The following POLR1A variants were observed in gnomAD, a reference collection of about 807,000 sequenced individuals.
The protein encoded by POLR1A is RNA polymerase I subunit A.
Under a neutral mutation model 205.3 loss-of-function variants are expected in POLR1A, and 84 were observed. That is an observed-to-expected ratio of 0.41 (90% confidence interval 0.34 to 0.49). The LOEUF is 0.49. Among genes scored for constraint, POLR1A ranks in the 20% least tolerant of loss-of-function variants. The pLI, the probability that POLR1A is intolerant of heterozygous loss-of-function variation, is 0.22. For missense variants in POLR1A, 1,645 were observed against 2,204.5 expected (o/e 0.75, Z 5.08); for synonymous variants, 799 against 863.7 (o/e 0.93, Z 1.31).
At position 86,095,370 on chromosome 2, in the gene POLR1A, C is replaced by G. The variant is rs557915846; in HGVS notation, c.432+3241G>C. Among the ~76,000 whole-genome samples the G allele has an allele frequency of 2.0e-5, 3 of 152,224 alleles. No homozygotes were observed. In the South Asian group the frequency reaches 6.2e-4, roughly 32 times the overall value. The stretch of plus-strand genomic sequence containing the variant: ...AGCCATCAAAAGAAAACATACAAGG[C>G]TTGGAAAGGAACAAAAAGGCCAGTA... On this transcript the variant is annotated intron_variant, in intron 3 of 33. Transcript: ENST00000263857.
At position 86,077,978 on chromosome 2, in the gene POLR1A, G is replaced by A; in HGVS notation, c.1261C>T (p.Leu421=). 1 of 1,613,872 alleles carries A rather than the reference G, an allele frequency of 6.2e-7. No homozygotes were observed. ...CGGAACAGGCCTTCTTTCTTCTCCA[G>A]GATCTTTATGGAGAAAAAAGGTCAT... ...MDKYPGIRQI[L]EKKEGLFRKH... Residue 421 remains leucine (L), a synonymous_variant, in exon 11 of 34, where the codon CTG becomes TTG. Transcript: ENST00000263857.
intron 30 of POLR1A, 92 bp downstream of exon 30, chr2:86,031,238 G>A (rs963955420): frequency 1.4e-5 from 21 of 1,461,972 alleles, no homozygotes; most frequent in African/African-American, 2.8e-5. Flanking sequence ...CCCCTGCCCA[G>A]CTGTGCAGGG....
At chr2:86,094,461 T>C (rs373724592) in intron 3 of POLR1A, among the ~76,000 whole-genome samples, 63 of 152,310 alleles carry the variant, frequency 4.1e-4, no homozygotes, top group Non-Finnish European at 6.8e-4. Flanking sequence ...TTCTGGCATG[T>C]GACATTCCAG....
chr2:86,076,317 C>T (rs746002644), intron 11 of POLR1A, among the ~76,000 whole-genome samples: 4 of 152,230 alleles, frequency 2.6e-5, no homozygotes, highest in Non-Finnish European at 4.4e-5. Flanking sequence ...CCAGCCTCTG[C>T]GTTCCTCAGC....
At chr2:86,089,490 G>A (rs755897699) in intron 4 of POLR1A, among the ~76,000 whole-genome samples, 9 of 152,204 alleles carry the variant, frequency 5.9e-5, no homozygotes, top group African/African-American at 2.4e-5. Flanking sequence ...ATATGAAGGG[G>A]AGAATAAGGT....
intron 33 of POLR1A, 100 bp downstream of exon 33, chr2:86,027,785 C>T: frequency 7.4e-7 from 1 of 1,355,532 alleles, no homozygotes; most frequent in South Asian, 1.2e-5. Flanking sequence ...CCCAAGATCC[C>T]ACTGGTGTGC....
At chr2:86,084,651 A>G (rs945314796) in intron 6 of POLR1A, among the ~76,000 whole-genome samples, 5 of 143,228 alleles carry the variant, frequency 3.5e-5, no homozygotes, top group African/African-American at 1.3e-4. Flanking sequence ...TAAAAACACC[A>G]CTCTTGCCTT....
intron 3 of POLR1A, among the ~76,000 whole-genome samples, chr2:86,097,606 C>T (rs1356821306): frequency 6.6e-6 from 1 of 152,150 alleles, no homozygotes; most frequent in Admixed American, 6.5e-5. Flanking sequence ...ATAGATGGAA[C>T]TGGAGGACAT....
At chr2:86,092,567 G>A (rs1406793295) in intron 3 of POLR1A, among the ~76,000 whole-genome samples, 2 of 152,252 alleles carry the variant, frequency 1.3e-5, no homozygotes, top group African/African-American at 2.4e-5. Flanking sequence ...GCTCATGCCT[G>A]TAATCCCAGC....
In POLR1A at chr2:86,070,703, C is replaced by A. The variant is rs76398893; in HGVS notation, c.1612-431G>T. 1.5e-5 allele frequency among the ~76,000 whole-genome samples: 2 copies of A among 137,436 alleles called. 1 individual carries two copies. The highest frequency in any genetic ancestry group is 4.8e-4 in the South Asian group (2 of 4,172). The allele number at this position is 137,436 out of a possible 152,430, so 90.2% of individuals were successfully genotyped here. The stretch of plus-strand genomic sequence containing the variant: ...ATTGGCAGACTTTCGAATCCCCCCC[C>A]CGCCGTGATCACATGTGAGTACATT... On this transcript the variant is annotated intron_variant, in intron 12 of 33. Coordinates refer to ENST00000263857, the MANE Select transcript of POLR1A (RefSeq NM_015425.6). The surrounding 1 kb of genome is among the most constrained non-coding windows in gnomAD (Gnocchi z 4.4).
intron 24 of POLR1A, 77 bp from the exon 25 acceptor site, chr2:86,040,636 C>T (rs1289420678): frequency 1.7e-6 from 2 of 1,182,418 alleles, no homozygotes; most frequent in African/African-American, 1.5e-5. Flanking sequence ...GTCAATGCTG[C>T]CCGAAACCAG....
At chr2:86,061,939 A>C (rs1360318302) in intron 14 of POLR1A, among the ~76,000 whole-genome samples, 1 of 152,226 alleles carries the variant, frequency 6.6e-6, no homozygotes. Flanking sequence ...GTGAATGTGC[A>C]CTGAGTTATA....
intron 6 of POLR1A, among the ~76,000 whole-genome samples, chr2:86,087,693 C>A (rs1385094008): frequency 2.0e-5 from 3 of 152,148 alleles, no homozygotes; most frequent in Admixed American, 6.5e-5. Flanking sequence ...CAGGTGCCCG[C>A]CACCACGCCT....
intron 28 of POLR1A, among the ~76,000 whole-genome samples, chr2:86,033,352 C>A (rs928870515): frequency 1.3e-5 from 2 of 152,246 alleles, no homozygotes; most frequent in East Asian, 3.8e-4. Flanking sequence ...TCAGCGCACG[C>A]CATGACCTCG....
chr2:86,093,245 G>A (rs536002898), intron 3 of POLR1A, among the ~76,000 whole-genome samples: 56 of 152,290 alleles, frequency 3.7e-4, no homozygotes, highest in Admixed American at 6.5e-4. Context: ...GTGAAATGTC[G>A]AAAGGGTTCC....
intron 14 of POLR1A, among the ~76,000 whole-genome samples, chr2:86,056,628 A>G (rs1672903815): frequency 6.6e-6 from 1 of 152,196 alleles, no homozygotes; most frequent in African/African-American, 2.4e-5. Context: ...TCACAGCTTC[A>G]AAGGACAGTC....
At chr2:86,085,425 G>A (rs145904709) in intron 6 of POLR1A, among the ~76,000 whole-genome samples, 53 of 152,334 alleles carry the variant, frequency 3.5e-4, no homozygotes, top group African/African-American at 1.2e-3. Context: ...GGAAGCATGG[G>A]TATGCAATGA....
intron 14 of POLR1A, among the ~76,000 whole-genome samples, chr2:86,060,353 G>C (rs962722046): frequency 2.0e-5 from 3 of 151,684 alleles, no homozygotes; most frequent in Non-Finnish European, 4.4e-5. Context: ...CCCCAAAATA[G>C]TTGACAGTCT....
At position 86,088,662 on chromosome 2, in the gene POLR1A, G is replaced by A; in HGVS notation, c.634C>T (p.Arg212Ter). The A allele has an allele frequency of 6.2e-7, 1 of 1,613,464 alleles. No individual in the cohort carries two copies. Among genetic ancestry groups the A allele is most frequent in the Non-Finnish European group, 8.5e-7 (1 of 1,179,404 alleles). ...TTGTGTTCCTTTCGGACAACGGATC[G>A]CCCGGTCCTGTGCAGGAGGACAGTT... ...AKRCPHCKTGRSVVRKEHNSK... is the reference protein window; with the variant it reads ...AKRCPHCKTG The change falls in exon 6 of 34, where the codon CGA (arginine) becomes TGA (stop). Residue 212 changes from arginine (R) to a stop codon, truncating the protein, a stop_gained. Transcript: ENST00000263857. LOFTEE classifies it high-confidence loss of function.
Sources: gnomAD v4.1 joint callset for allele counts (sites outside exome capture counted in the v4.1 genomes callset) on GRCh38, gnomAD v4.1.1 for gene constraint, Gnocchi (gnomAD v3.1) non-coding constraint, MANE v1.5 for transcripts, NCBI Gene and HGNC (gene_info 2026-07-23, HGNC 2026-07-21) for gene names.